TG: variants seen among roughly 807,000 people sequenced by gnomAD.
TG encodes thyroglobulin, also known as thyroid hormones.
Under a neutral mutation model 324.7 loss-of-function variants are expected in TG, and 270 were observed. That is an observed-to-expected ratio of 0.83 (90% CI 0.75 to 0.92). TG has a LOEUF of 0.92. Among genes scored for constraint, TG ranks in the 40% least tolerant of loss-of-function variants. TG has a pLI of 0.00. For missense variants in TG, 3,591 were observed against 3,456.4 expected, an observed-to-expected ratio of 1.04 and a Z score of -0.98; for synonymous variants, 1,401 against 1,327.0, an observed-to-expected ratio of 1.06 and a Z score of -1.21.
chr8:133,017,889 T>C lies in TG; in HGVS notation c.6674T>C (p.Val2225Ala), dbSNP rs774341069. ...CAGGTGGGTACCTCATGGAAGCAAG[T>C]GGACCAGTTCCTTGGAGTTCCATAT... ...AIQVGTSWKQ[V>A]DQFLGVPYAA... Residue 2225 changes from valine (V) to alanine (A), a missense_variant, in exon 38 of 48, where the codon GTG (valine) becomes GCG (alanine). Transcript: ENST00000220616. 1.2e-6 allele frequency: 2 copies of C among 1,614,188 alleles called. No homozygotes were observed. The highest frequency in any genetic ancestry group is 8.5e-7 in the Non-Finnish European group (1 of 1,180,038).
intron 41 of TG, among the ~76,000 whole-genome samples, chr8:133,053,077 G>T (rs780499726): frequency 6.6e-6 from 1 of 152,138 alleles, no homozygotes; most frequent in African/African-American, 2.4e-5. Context: ...CAGAGCCTCC[G>T]GATAGGCTGT....
At chr8:132,867,405 T>A (rs1309997385) in intron 1 of TG, among the ~76,000 whole-genome samples, 2 of 152,044 alleles carry the variant, frequency 1.3e-5, no homozygotes, top group Admixed American at 1.3e-4. Context: ...GTGTCATCCA[T>A]AACAGGTATT....
intron 13 of TG, among the ~76,000 whole-genome samples, chr8:132,898,510 TCTG>T (rs1030706989): frequency 2.0e-5 from 3 of 152,192 alleles, no homozygotes; most frequent in Non-Finnish European, 4.4e-5. Flanking sequence ...CCTCTGTACA[TCTG>T]CTGGGCAATT....
chr8:133,001,667 G>C, intron 35 of TG: 1 of 834,240 alleles, frequency 1.2e-6, no homozygotes, highest in Non-Finnish European at 1.4e-6. Context: ...GTCTCCGTCC[G>C]ATGACGACAG....
Position 132,897,349 on chromosome 8 carries a change from TTA to T in TG, c.3002-298_3002-297del, listed in dbSNP as rs141746834. Among the ~76,000 whole-genome samples, 1,381 of 152,332 alleles carry T rather than the reference TTA, an allele frequency of 9.1e-3. 19 individuals carry two copies. The highest frequency in any genetic ancestry group is 0.032 in the African/African-American group (1,313 of 41,568). ...GTATAGAGCCTACCTATTATTACTA[TTA>T]TCTCATGTGCCTGAAGACACTTCAC... On this transcript the variant is annotated intron_variant, in intron 11 of 47. Transcript: ENST00000220616.
At chr8:133,118,092 T>A (rs1372841690) in intron 45 of TG, among the ~76,000 whole-genome samples, 1 of 152,250 alleles carries the variant, frequency 6.6e-6, no homozygotes, top group Non-Finnish European at 1.5e-5. Context: ...GCCCCTAAAG[T>A]AGGCTGAATA....
intron 24 of TG, among the ~76,000 whole-genome samples, chr8:132,935,136 T>TC (rs1251876276): frequency 8.3e-6 from 1 of 120,922 alleles, no homozygotes; most frequent in African/African-American, 2.6e-5. Context: ...TCTGGCAAAC[T>TC]CTTTTTTTTT....
intron 41 of TG, among the ~76,000 whole-genome samples, chr8:133,041,307 C>T (rs1838185819): frequency 6.6e-6 from 1 of 152,178 alleles, no homozygotes; most frequent in Non-Finnish European, 1.5e-5. Context: ...GGCATCCTTG[C>T]CAAAGAACAA....
chr8:133,050,941 G>A lies in TG; in HGVS notation c.7239+20918G>A, dbSNP rs117044097. On this transcript the variant is annotated intron_variant, in intron 41 of 47. Coordinates refer to ENST00000220616, the MANE Select transcript of TG (RefSeq NM_003235.5). ...CTGGGGAAACAAAGGCAAGGGGGAA[G>A]GGGGCAAGGTGCTTTTTATTCACAA... 1,373 of 1,395,338 alleles carry A rather than the reference G, an allele frequency of 9.8e-4. 15 individuals carry two copies. The East Asian group carries it at 0.018, about 18-fold the overall frequency. 86.4% of individuals were successfully genotyped at this position (1,395,338 alleles called of 1,614,324 possible).
rs10536232 is a variant in TG, at chr8:132,990,158, T to TTATATA, written c.6262+6765_6262+6770dup. ...AACCAGTTAAAGCTGAGCTATACAATTATATATATATATATATATATATAA... is the reference window on the plus strand; with the variant it reads ...AACCAGTTAAAGCTGAGCTATACAATTATATATATATATATATATATATATATATAA... On this transcript the variant is annotated intron_variant, in intron 35 of 47. Coordinates refer to ENST00000220616, the MANE Select transcript of TG (RefSeq NM_003235.5). Among the ~76,000 whole-genome samples the TTATATA allele has an allele frequency of 7.7e-3, 1,087 of 141,684 alleles. 5 individuals are homozygous for TTATATA. Among genetic ancestry groups the TTATATA allele is most frequent in the African/African-American group, 0.016 (602 of 38,182 alleles). 93.0% of individuals were successfully genotyped at this position (141,684 alleles called of 152,430 possible).
intron 12 of TG, 129 bp downstream of exon 12, chr8:132,897,915 C>CT: frequency 3.3e-6 from 4 of 1,212,496 alleles, no homozygotes; most frequent in Non-Finnish European, 4.8e-6. Flanking sequence ...TGAAAAATTC[C>CT]TTAGCTTCTC....
intron 10 of TG, among the ~76,000 whole-genome samples, chr8:132,892,000 G>A (rs1587272889): frequency 1.3e-5 from 2 of 152,270 alleles, no homozygotes; most frequent in South Asian, 4.1e-4. Context: ...ACACTTAAAA[G>A]GCTTATTACA....
chr8:132,966,105 G>T (rs1366552548), intron 29 of TG, among the ~76,000 whole-genome samples: 1 of 152,208 alleles, frequency 6.6e-6, no homozygotes, highest in East Asian at 1.9e-4. Flanking sequence ...AAGACAAAAA[G>T]AGGATCAGTG....
chr8:132,979,879 C>A (rs1170188991), intron 34 of TG, among the ~76,000 whole-genome samples: 1 of 152,122 alleles, frequency 6.6e-6, no homozygotes, highest in Admixed American at 6.5e-5. Flanking sequence ...CAGAAGACTG[C>A]CCCCACTTCA....
Position 132,966,711 on chromosome 8 carries a change from G to T in TG, c.5686+14G>T, listed in dbSNP as rs1324996209. ...GGTGCCTTTCTCGTAAGTATCCTTAGAACTCATTCTTCTTCTTCCAGACAC... is the reference window on the plus strand; with the variant it reads ...GGTGCCTTTCTCGTAAGTATCCTTATAACTCATTCTTCTTCTTCCAGACAC... On this transcript the variant is annotated intron_variant, in intron 30 of 47. Transcript: ENST00000220616. 1.2e-6 allele frequency: 2 copies of T among 1,613,782 alleles called. No individual in the cohort carries two copies. Among genetic ancestry groups the T allele is most frequent in the South Asian group, 2.2e-5 (2 of 91,084 alleles).
At chr8:133,094,227 G>T (rs1244997490) in intron 41 of TG, among the ~76,000 whole-genome samples, 1 of 147,930 alleles carries the variant, frequency 6.8e-6, no homozygotes, top group Non-Finnish European at 1.5e-5. Flanking sequence ...TTAGAAAGAA[G>T]AAACCTGTCG....
chr8:132,871,780 C>T (rs983461416), intron 4 of TG, among the ~76,000 whole-genome samples: 19 of 152,296 alleles, frequency 1.2e-4, no homozygotes, highest in South Asian at 1.0e-3. Flanking sequence ...TTTCATTGAA[C>T]GTTGTGAGTC....
chr8:132,873,473 A>T (rs1233941908), intron 5 of TG, among the ~76,000 whole-genome samples: 1 of 152,256 alleles, frequency 6.6e-6, no homozygotes, highest in Non-Finnish European at 1.5e-5. Context: ...ATGTGAAGAC[A>T]TATCGGCTAG....
At chr8:132,993,628 T>A (rs1433774019) in intron 35 of TG, among the ~76,000 whole-genome samples, 1 of 152,208 alleles carries the variant, frequency 6.6e-6, no homozygotes, top group South Asian at 2.1e-4. Flanking sequence ...GCACAACCTG[T>A]GCAGCTGTAC....
Sources: gnomAD v4.1 joint callset for allele counts (sites outside exome capture counted in the v4.1 genomes callset) on GRCh38, gnomAD v4.1.1 for gene constraint, MANE v1.5 for transcripts, NCBI Gene and HGNC (gene_info 2026-07-23, HGNC 2026-07-21) for gene names.